The following BACE1 variants were observed in gnomAD, a reference collection of about 807,000 sequenced individuals.
BACE1 encodes the protein beta-secretase 1.
BACE1 carries 21 observed loss-of-function variants against 54.0 expected under a neutral mutation model. That is an observed-to-expected ratio of 0.39 (90% CI 0.28 to 0.56). The LOEUF (loss-of-function observed/expected upper bound fraction) is 0.56. BACE1 is among the 20% of genes least tolerant of loss of function. BACE1 has a pLI of 0.63. For synonymous variants in BACE1, 232 were observed against 260.9 expected, an observed-to-expected ratio of 0.89 and a Z score of 1.07; for missense variants, 511 against 661.2, an observed-to-expected ratio of 0.77 and a Z score of 2.49.
chr11:117,310,511 C>A (rs1457682849), intron 1 of BACE1, among the ~76,000 whole-genome samples: 1 of 151,974 alleles, frequency 6.6e-6, no homozygotes, highest in Non-Finnish European at 1.5e-5. Context: ...ACCTCTGCCT[C>A]CTGGGTTCAA....
At chr11:117,312,198 ACT>A (rs1437362972) in intron 1 of BACE1, among the ~76,000 whole-genome samples, 5 of 151,934 alleles carry the variant, frequency 3.3e-5, no homozygotes, top group Non-Finnish European at 7.4e-5. Context: ...AACATCCATA[ACT>A]CATCCTCTCA....
Position 117,315,599 on chromosome 11 carries a change from T to C in BACE1, c.197A>G (p.Asn66Ser). ...GCCCTGCCCCGACTTGCCCCTCAGG[T>C]TGTCCACCATCTCCACAAAGCTGCC... Reference protein sequence around the residue: ...RRGSFVEMVDNLRGKSGQGYY... With the variant: ...RRGSFVEMVDSLRGKSGQGYY... The change falls in exon 1 of 9, where the codon AAC becomes AGC. Residue 66 changes from asparagine to serine, a missense_variant. Coordinates refer to ENST00000313005, the MANE Select transcript of BACE1 (RefSeq NM_012104.6). The surrounding 1 kb of genome is among the most constrained non-coding windows in gnomAD (Gnocchi z 5.5). 1 of 1,589,630 alleles carries C rather than the reference T, an allele frequency of 6.3e-7. No individual in the cohort carries two copies. Among genetic ancestry groups the C allele is most frequent in the Middle Eastern group, 1.7e-4 (1 of 6,004 alleles).
chr11:117,300,455 CG>C (rs28989488), intron 1 of BACE1, among the ~76,000 whole-genome samples: 1 of 152,178 alleles, frequency 6.6e-6, no homozygotes, highest in East Asian at 1.9e-4. Context: ...CCATTCCAAG[CG>C]GGGGGATGGG....
At chr11:117,294,826 A>T (rs2034555228) in intron 3 of BACE1, among the ~76,000 whole-genome samples, 1 of 151,772 alleles carries the variant, frequency 6.6e-6, no homozygotes, top group Non-Finnish European at 1.5e-5. Flanking sequence ...TGGAGGTTGC[A>T]GTGAGCCAAG....
rs2035066833 is a variant in BACE1 at position 117,315,202 on chromosome 11, G to A, written c.261+333C>T. The stretch of plus-strand genomic sequence containing the variant: ...ACTCGGACTGGGCCACTGTCAGAGG[G>A]GGCTGACACCTGTTATAGTGCCCCT... On this transcript the variant is annotated intron_variant, in intron 1 of 8. Coordinates refer to ENST00000313005, the MANE Select transcript of BACE1 (RefSeq NM_012104.6). This position sits in a 1 kb window ranked among gnomAD's most constrained non-coding sequence, Gnocchi z 5.5. Among the ~76,000 whole-genome samples the A allele has an allele frequency of 6.6e-6, 1 of 152,196 alleles. No individual in the cohort carries two copies. The highest frequency in any genetic ancestry group is 1.5e-5 in the Non-Finnish European group (1 of 68,024).
intron 1 of BACE1, among the ~76,000 whole-genome samples, chr11:117,309,847 C>G (rs572870667): frequency 6.6e-6 from 1 of 152,254 alleles, no homozygotes; most frequent in South Asian, 2.1e-4. Flanking sequence ...TAACAGTTAC[C>G]TTATTATCCT....
intron 2 of BACE1, among the ~76,000 whole-genome samples, chr11:117,296,256 C>A (rs970442198): frequency 2.0e-5 from 3 of 151,810 alleles, no homozygotes; most frequent in Non-Finnish European, 4.4e-5. Flanking sequence ...TCACCAGTCC[C>A]CCACTTTCAC....
rs112929126 is a variant in BACE1 at position 117,316,122 on chromosome 11, G to A, written c.-327C>T. On this transcript the variant is annotated 5_prime_UTR_variant, in exon 1 of 9. Coordinates refer to ENST00000313005, the MANE Select transcript of BACE1 (RefSeq NM_012104.6). ...ATGGCGGGCCGGTGGCGGCTTCCCT[G>A]GTCCCCCCGGCGGGCGGCGGCGCGG... 2 of 396,438 alleles carry A rather than the reference G, an allele frequency of 5.0e-6. No individual in the cohort carries two copies. Among genetic ancestry groups the A allele is most frequent in the Admixed American group, 4.4e-5 (1 of 22,548 alleles). 24.6% of individuals were successfully genotyped at this position (396,438 alleles called of 1,614,324 possible).
At chr11:117,301,067 C>A (rs758725629) in intron 1 of BACE1, among the ~76,000 whole-genome samples, 2 of 152,160 alleles carry the variant, frequency 1.3e-5, no homozygotes, top group African/African-American at 4.8e-5. Context: ...CCGGTGACTT[C>A]ATGTCACCAA....
Position 117,293,777 on chromosome 11 carries a change from A to G in BACE1, c.705+94T>C. 7.4e-7 allele frequency: 1 copy of G among 1,358,150 alleles called. No individual in the cohort carries two copies. Among genetic ancestry groups the G allele is most frequent in the South Asian group, 1.6e-5 (1 of 64,132 alleles). The allele number at this position is 1,358,150 out of a possible 1,614,324, so 84.1% of individuals were successfully genotyped here. ...GGTTCCTCCTGATTCTAAGTATCGGAGCCAAAACTGTGGTGTAGCTTTCAG... is the reference window on the plus strand; with the variant it reads ...GGTTCCTCCTGATTCTAAGTATCGGGGCCAAAACTGTGGTGTAGCTTTCAG... On this transcript the variant is annotated intron_variant, in intron 4 of 8. Transcript: ENST00000313005. This position sits in a 1 kb window ranked among gnomAD's most constrained non-coding sequence, Gnocchi z 4.1.
rs942263993 is a variant in BACE1, at chr11:117,315,254, G to C, written c.261+281C>G. On this transcript the variant is annotated intron_variant, in intron 1 of 8. Coordinates refer to ENST00000313005, the MANE Select transcript of BACE1 (RefSeq NM_012104.6). The surrounding 1 kb of genome is among the most constrained non-coding windows in gnomAD (Gnocchi z 5.5). ...TGGCGGACCCTTCCTCCAGGTCAGG[G>C]TCCCCAGCTGATGTGTCTGTCTTGC... Among the ~76,000 whole-genome samples the C allele has an allele frequency of 2.0e-5, 3 of 152,182 alleles. No homozygotes were observed. The highest frequency in any genetic ancestry group is 6.5e-5 in the Admixed American group (1 of 15,286).
Position 117,287,523 on chromosome 11 carries a change from T to A in BACE1, c.*2043A>T, listed in dbSNP as rs1329916832. On this transcript the variant is annotated 3_prime_UTR_variant, in exon 9 of 9. Transcript: ENST00000313005. ...AAGAAAAACAAGTGCAAGTTTTCTTTAAAAAAATAATAGGCTGATGGGACT... is the reference window on the plus strand; with the variant it reads ...AAGAAAAACAAGTGCAAGTTTTCTTAAAAAAAATAATAGGCTGATGGGACT... 1.3e-5 allele frequency: 2 copies of A among 152,526 alleles called. No homozygotes were observed. The highest frequency in any genetic ancestry group is 2.9e-5 in the Non-Finnish European group (2 of 68,022). The allele number at this position is 152,526 out of a possible 1,614,324, so 9.4% of individuals were successfully genotyped here.
chr11:117,289,116 T>C lies in BACE1; in HGVS notation c.*450A>G, dbSNP rs1297837759. The C allele has an allele frequency of 5.5e-6, 1 of 181,680 alleles. No individual in the cohort carries two copies. Among genetic ancestry groups the C allele is most frequent in the Non-Finnish European group, 1.2e-5 (1 of 83,986 alleles). The allele number at this position is 181,680 out of a possible 1,614,324, so 11.3% of individuals were successfully genotyped here. ...AAATAGCAAACTGTGCATCCTCTCC[T>C]ACTGACTTTGGCCAGCAGGGAAACA... On this transcript the variant is annotated 3_prime_UTR_variant, in exon 9 of 9. Transcript: ENST00000313005.
Position 117,307,910 on chromosome 11 carries a change from AT to A in BACE1, c.261+7624del, listed in dbSNP as rs575330816. On this transcript the variant is annotated intron_variant, in intron 1 of 8. Transcript: ENST00000313005. Reference sequence around the variant, plus strand: ...GCCGGGGTCTTGCTGGCTTTGTCTAATTTGGAGGGTGGTTCTTTGAGCTCGA... The same window carrying A: ...GCCGGGGTCTTGCTGGCTTTGTCTAATTGGAGGGTGGTTCTTTGAGCTCGA... 2.6e-5 allele frequency among the ~76,000 whole-genome samples: 4 copies of A among 152,300 alleles called. No individual in the cohort carries two copies. In the East Asian group the frequency reaches 7.7e-4, roughly 29 times the overall value.
At chr11:117,298,401 C>G (rs1007795489) in intron 1 of BACE1, among the ~76,000 whole-genome samples, 3 of 152,214 alleles carry the variant, frequency 2.0e-5, no homozygotes, top group African/African-American at 7.2e-5. Context: ...TGTGCTGTCT[C>G]TGTTCCCATG....
intron 2 of BACE1, among the ~76,000 whole-genome samples, chr11:117,296,573 C>G (rs1462781121): frequency 6.6e-6 from 1 of 152,070 alleles, no homozygotes; most frequent in Admixed American, 6.5e-5. Flanking sequence ...AAAATGGGCC[C>G]CCTAAGATTG....
At chr11:117,291,108 C>A in intron 6 of BACE1, 59 bp from the exon 7 acceptor site, 2 of 1,582,888 alleles carry the variant, frequency 1.3e-6, no homozygotes, top group Non-Finnish European at 1.7e-6. Context: ...CTCGCCCCTC[C>A]CATGTTCAGA....
chr11:117,305,741 AAGC>A (rs2034817462), intron 1 of BACE1, among the ~76,000 whole-genome samples: 2 of 151,892 alleles, frequency 1.3e-5, no homozygotes, highest in Non-Finnish European at 2.9e-5. Flanking sequence ...TTTTTTTCTA[AAGC>A]AGCAGAATCA....
intron 1 of BACE1, among the ~76,000 whole-genome samples, chr11:117,310,933 TC>T (rs2034930846): frequency 6.6e-6 from 1 of 151,908 alleles, no homozygotes; most frequent in Admixed American, 6.6e-5. Flanking sequence ...GTTTAACCTT[TC>T]AACCCCATTT....
Sources: allele counts gnomAD v4.1 joint callset (sites outside exome capture counted in the v4.1 genomes callset), GRCh38; gene constraint gnomAD v4.1.1; non-coding constraint Gnocchi (gnomAD v3.1); transcripts MANE v1.5; gene names NCBI Gene and HGNC (gene_info 2026-07-23, HGNC 2026-07-21).